TBC1D32: variants seen among roughly 807,000 people sequenced by gnomAD.
The protein encoded by TBC1D32 is TBC1 domain family member 32.
A neutral mutation model predicts 170.3 loss-of-function variants in TBC1D32; 151 were observed. The observed-to-expected ratio is 0.89, with a 90% CI of 0.78 to 1.01. The LOEUF (loss-of-function observed/expected upper bound fraction) is 1.01, where lower values mean the gene tolerates loss of function less well. Among genes scored for constraint, TBC1D32 ranks in the 50% least tolerant of loss-of-function variants. TBC1D32 has a pLI of 0.00. For synonymous variants in TBC1D32, 498 were observed against 488.0 expected (o/e 1.02, Z -0.27); for missense variants, 1,464 against 1,457.1 (o/e 1.00, Z -0.08).
intron 22 of TBC1D32, chr6:121,192,344 A>C (rs1790188075): frequency 6.6e-6 from 1 of 152,080 alleles, no homozygotes; most frequent in Non-Finnish European, 1.5e-5. Context: ...CTCTCATGAG[A>C]GGAAAGGAGT....
At chr6:121,188,887 G>T (rs907129494) in intron 22 of TBC1D32, among the ~76,000 whole-genome samples, 1 of 152,110 alleles carries the variant, frequency 6.6e-6, no homozygotes, top group Non-Finnish European at 1.5e-5. Context: ...GAAGTGGAAA[G>T]GAACTGAAGC....
chr6:121,181,942 A>C (rs1420015087), intron 22 of TBC1D32, among the ~76,000 whole-genome samples: 1 of 152,124 alleles, frequency 6.6e-6, no homozygotes, highest in African/African-American at 2.4e-5. Context: ...GGAAGTAGGG[A>C]GTAAAATGGT....
At chr6:121,155,977 T>C (rs1258798473) in intron 24 of TBC1D32, among the ~76,000 whole-genome samples, 1 of 152,054 alleles carries the variant, frequency 6.6e-6, no homozygotes, top group Non-Finnish European at 1.5e-5. Context: ...CTAAAGTTTC[T>C]TTTTTTGTTG....
At chr6:121,281,494 A>C (rs764957440) in intron 14 of TBC1D32, 50 bp downstream of exon 14, 3 of 1,470,986 alleles carry the variant, frequency 2.0e-6, no homozygotes, top group African/African-American at 2.8e-5. Context: ...CTGAGTATCC[A>C]CTAATACCCA....
At chr6:121,208,850 A>G (rs190410545) in intron 21 of TBC1D32, among the ~76,000 whole-genome samples, 54 of 152,116 alleles carry the variant, frequency 3.5e-4, no homozygotes, top group African/African-American at 1.3e-3. Flanking sequence ...GGGAAAGAAT[A>G]AATTTTTGTG....
intron 10 of TBC1D32, among the ~76,000 whole-genome samples, chr6:121,298,399 A>G (rs918803650): frequency 3.9e-5 from 6 of 152,076 alleles, no homozygotes; most frequent in Non-Finnish European, 8.8e-5. Flanking sequence ...TATTTGAAAT[A>G]CTTTCACTGG....
chr6:121,281,648 A>G lies in TBC1D32; in HGVS notation c.1504T>C (p.Trp502Arg), dbSNP rs1199405682. ...SPASMVTEVL[W>R]ILSDQKECAV... is the part of the protein sequence containing the mutation. The stretch of plus-strand genomic sequence containing the variant: ...CATTCTTTTTGATCACTGAGTATCC[A>G]CAGAACTTCAGTCACCATACTTGCA... Residue 502 changes from tryptophan to arginine, a missense_variant, in exon 14 of 32, where the codon TGG becomes CGG. Trp to Arg is a moderately radical substitution (Grantham distance 101). This residue lies in a region of TBC1D32 where 1,363 missense variants were observed against 1,338.1 expected (regional missense o/e 1.02). Coordinates refer to ENST00000398212, the MANE Select transcript of TBC1D32 (RefSeq NM_152730.6). The G allele has an allele frequency of 6.2e-7, 1 of 1,603,026 alleles. No homozygotes were observed. Among genetic ancestry groups the G allele is most frequent in the South Asian group, 1.1e-5 (1 of 89,344 alleles).
At chr6:121,315,042 A>C (rs1413915522) in intron 3 of TBC1D32, among the ~76,000 whole-genome samples, 1 of 152,226 alleles carries the variant, frequency 6.6e-6, no homozygotes, top group East Asian at 1.9e-4. Flanking sequence ...CAAAGAAGTT[A>C]AGAAATTTGT....
intron 22 of TBC1D32, among the ~76,000 whole-genome samples, chr6:121,203,007 A>T (rs1791792795): frequency 6.6e-6 from 1 of 151,352 alleles, no homozygotes; most frequent in African/African-American, 2.5e-5. Flanking sequence ...GCAATGAAAA[A>T]CATAGATTCA....
At chr6:121,101,409 C>T (rs1446249522) in intron 30 of TBC1D32, among the ~76,000 whole-genome samples, 6 of 152,006 alleles carry the variant, frequency 3.9e-5, no homozygotes, top group Non-Finnish European at 8.8e-5. Context: ...GGGCTTCATC[C>T]ATGGGATGCG....
chr6:121,229,979 T>C (rs1464024829), intron 20 of TBC1D32, among the ~76,000 whole-genome samples: 1 of 152,082 alleles, frequency 6.6e-6, no homozygotes, highest in Non-Finnish European at 1.5e-5. Flanking sequence ...ATGTAAGATG[T>C]GTGCCTTGCT....
chr6:121,094,098 A>G (rs1777126596), intron 30 of TBC1D32, among the ~76,000 whole-genome samples: 1 of 151,984 alleles, frequency 6.6e-6, no homozygotes, highest in Non-Finnish European at 1.5e-5. Context: ...GAAACAGCAG[A>G]ATTCCAAAAC....
At chr6:121,170,718 T>G (rs1051366707) in intron 22 of TBC1D32, among the ~76,000 whole-genome samples, 1 of 152,070 alleles carries the variant, frequency 6.6e-6, no homozygotes, top group Non-Finnish European at 1.5e-5. Context: ...TTCTGAGTAT[T>G]TTTAAAAGAC....
At chr6:121,312,110 G>A (rs969806047) in intron 3 of TBC1D32, among the ~76,000 whole-genome samples, 5 of 152,090 alleles carry the variant, frequency 3.3e-5, no homozygotes, top group African/African-American at 7.2e-5. Flanking sequence ...ACCAAACACC[G>A]CATCTTCTCA....
chr6:121,291,605 G>T (rs567799842), intron 12 of TBC1D32, among the ~76,000 whole-genome samples: 7 of 152,170 alleles, frequency 4.6e-5, no homozygotes, highest in African/African-American at 1.7e-4. Flanking sequence ...TATACAAAAT[G>T]ACACAGGGCT....
chr6:121,261,047 A>G (rs1799697954), intron 15 of TBC1D32, among the ~76,000 whole-genome samples: 1 of 152,002 alleles, frequency 6.6e-6, no homozygotes, highest in African/African-American at 2.4e-5. Context: ...TTCAGAACGG[A>G]TGCTGACTCA....
In TBC1D32 at chr6:121,133,291, A is replaced by C. The variant is rs1781646654; in HGVS notation, c.2774-1539T>G. On this transcript the variant is annotated intron_variant, in intron 24 of 31. Coordinates refer to ENST00000398212, the MANE Select transcript of TBC1D32 (RefSeq NM_152730.6). ...TTGTTCCAGGTTTTAAAAATCAAAG[A>C]AGCTTTCCAGCATAATACAACTATT... Among the ~76,000 whole-genome samples, 5 of 152,004 alleles carry C rather than the reference A, an allele frequency of 3.3e-5. No individual in the cohort carries two copies. In the South Asian group the frequency reaches 1.0e-3, roughly 31 times the overall value.
chr6:121,151,638 G>C (rs750862392), intron 24 of TBC1D32, among the ~76,000 whole-genome samples: 2 of 152,150 alleles, frequency 1.3e-5, no homozygotes, highest in Non-Finnish European at 2.9e-5. Flanking sequence ...GTGAGTCTAA[G>C]TCTCTTTGTA....
Position 121,317,494 on chromosome 6 carries a change from C to A in TBC1D32, c.495+1G>T, listed in dbSNP as rs552276397. On this transcript the variant is annotated splice_donor_variant, in intron 3 of 31. Transcript: ENST00000398212. LOFTEE classifies it high-confidence loss of function. Reference sequence around the variant, plus strand: ...CATAAATGCAAAACTGAACAACACACCTGATTCAATGATGAATCACTATCA... The same window carrying A: ...CATAAATGCAAAACTGAACAACACAACTGATTCAATGATGAATCACTATCA... 4.4e-6 allele frequency: 7 copies of A among 1,587,978 alleles called. No homozygotes were observed. The East Asian group carries it at 1.4e-4, about 31-fold the overall frequency.
Sources: allele counts gnomAD v4.1 joint callset (sites outside exome capture counted in the v4.1 genomes callset), GRCh38; gene constraint gnomAD v4.1.1; regional missense constraint gnomAD v4.1.1; transcripts MANE v1.5; gene names NCBI Gene and HGNC (gene_info 2026-07-23, HGNC 2026-07-21).